The following CRISP1 variants were observed in gnomAD, a reference collection of about 807,000 sequenced individuals.
The protein encoded by CRISP1 is cysteine rich secretory protein 1, also known as cysteine-rich secretory protein 1.
In CRISP1, 44 loss-of-function variants were observed where a neutral mutation model predicts 33.1. The observed-to-expected ratio is 1.33, with a 90% CI of 1.05 to 1.71. The LOEUF (loss-of-function observed/expected upper bound fraction) is 1.71, where lower values mean the gene tolerates loss of function less well. CRISP1 is among the 40% of genes most tolerant of loss of function. The probability of loss-of-function intolerance (pLI) is 0.00; values close to 1 mark genes in which losing one functional copy is unlikely to be tolerated. For missense variants in CRISP1, 390 were observed against 301.2 expected, an observed-to-expected ratio of 1.29 and a Z score of -2.18; for synonymous variants, 103 against 98.7, an observed-to-expected ratio of 1.04 and a Z score of -0.26.
chr6:49,849,598 A>G (rs1771287840), intron 3 of CRISP1, among the ~76,000 whole-genome samples: 1 of 152,148 alleles, frequency 6.6e-6, no homozygotes, highest in African/African-American at 2.4e-5. Context: ...ATACCCTTAT[A>G]TGTGCATATA....
At chr6:49,861,712 C>T (rs1168466881) in intron 1 of CRISP1, among the ~76,000 whole-genome samples, 5 of 151,940 alleles carry the variant, frequency 3.3e-5, no homozygotes, top group Admixed American at 6.6e-5. Flanking sequence ...GGTGAAACCT[C>T]GTCTCTACTA....
intron 1 of CRISP1, among the ~76,000 whole-genome samples, chr6:49,872,527 G>A (rs1771948568): frequency 1.3e-5 from 2 of 152,194 alleles, no homozygotes; most frequent in Admixed American, 1.3e-4. Flanking sequence ...GGTTTTTATG[G>A]TTTTAGGTCT....
At chr6:49,857,232 G>A in intron 2 of CRISP1, 103 bp downstream of exon 2, 1 of 1,023,568 alleles carries the variant, frequency 9.8e-7, no homozygotes, top group Non-Finnish European at 1.5e-6. Context: ...AGTAATGGGT[G>A]TAGTGGCCTC....
chr6:49,850,141 A>C (rs553686531), intron 3 of CRISP1, among the ~76,000 whole-genome samples: 1 of 151,366 alleles, frequency 6.6e-6, no homozygotes, highest in South Asian at 2.1e-4. Flanking sequence ...AGATATACCT[A>C]ATGCTAAATG....
Position 49,838,417 on chromosome 6 carries a change from CAG to C in CRISP1, c.622+18_622+19del, listed in dbSNP as rs1252666613. 1.5e-5 allele frequency: 23 copies of C among 1,583,342 alleles called. No individual in the cohort carries two copies. The highest frequency in any genetic ancestry group is 1.9e-5 in the Non-Finnish European group (22 of 1,156,772). On this transcript the variant is annotated intron_variant, in intron 7 of 7. Coordinates refer to ENST00000335847, the MANE Select transcript of CRISP1 (RefSeq NM_001131.3). ...GATCAATGGGTTAACTGTAAACAAA[CAG>C]AATGCAAACAAACTTACTGCAAAGT...
intron 1 of CRISP1, among the ~76,000 whole-genome samples, chr6:49,876,612 C>T (rs1188892151): frequency 6.6e-6 from 1 of 151,804 alleles, no homozygotes; most frequent in Non-Finnish European, 1.5e-5. Context: ...CTATTCTTAA[C>T]AGCAAAGACG....
intron 1 of CRISP1, among the ~76,000 whole-genome samples, chr6:49,872,119 G>A (rs1771937516): frequency 6.6e-6 from 1 of 152,196 alleles, no homozygotes; most frequent in South Asian, 2.1e-4. Context: ...ATATCTCATT[G>A]TGGTTTTGAT....
At chr6:49,860,961 T>G (rs147057412) in intron 1 of CRISP1, among the ~76,000 whole-genome samples, 79 of 152,158 alleles carry the variant, frequency 5.2e-4, no homozygotes, top group African/African-American at 1.7e-3. Context: ...AAGACAATCA[T>G]GGATAACTAT....
At chr6:49,868,758 C>T (rs1771857611), upstream of CRISP1, among the ~76,000 whole-genome samples, 1 of 152,068 alleles carries the variant, frequency 6.6e-6, no homozygotes, top group Non-Finnish European at 1.5e-5. Flanking sequence ...TCATACCACT[C>T]AGTAAAATTG....
At chr6:49,841,423 T>A (rs1353569726) in intron 5 of CRISP1, among the ~76,000 whole-genome samples, 1 of 152,172 alleles carries the variant, frequency 6.6e-6, no homozygotes, top group Non-Finnish European at 1.5e-5. Flanking sequence ...AACAGGCTGA[T>A]GTTCAAAGAG....
Position 49,841,000 on chromosome 6 carries a change from A to G in CRISP1, c.436-5T>C. 1.2e-6 allele frequency: 2 copies of G among 1,609,864 alleles called. No individual in the cohort carries two copies. The highest frequency in any genetic ancestry group is 1.7e-6 in the Non-Finnish European group (2 of 1,176,412). ...GTAAGATGTGGCCCAAACAATCTGC[A>G]ATGATAAAGAGTTGTTTTATTACAG... On this transcript the variant is annotated splice_region_variant and splice_polypyrimidine_tract_variant and intron_variant, in intron 5 of 7. Transcript: ENST00000335847.
At chr6:49,846,307 T>A (rs936854672) in intron 5 of CRISP1, among the ~76,000 whole-genome samples, 1 of 152,158 alleles carries the variant, frequency 6.6e-6, no homozygotes, top group African/African-American at 2.4e-5. Flanking sequence ...AAAAATCTAG[T>A]GAGTAAAGAA....
In CRISP1 at chr6:49,835,265, G is replaced by C; in HGVS notation, c.*51C>G. Reference sequence around the variant, plus strand: ...TATAGCAAAAGACATGAATCCAACAGACATCTCCTCCTCATCGTCACAGCA... The same window carrying C: ...TATAGCAAAAGACATGAATCCAACACACATCTCCTCCTCATCGTCACAGCA... On this transcript the variant is annotated 3_prime_UTR_variant, in exon 8 of 8. Transcript: ENST00000335847. 6.3e-7 allele frequency: 1 copy of C among 1,584,806 alleles called. No individual in the cohort carries two copies. The highest frequency in any genetic ancestry group is 8.6e-7 in the Non-Finnish European group (1 of 1,163,380).
chr6:49,841,028 T>C (rs1770971060), intron 5 of CRISP1, 33 bp from the exon 6 acceptor site: 5 of 1,521,236 alleles, frequency 3.3e-6, no homozygotes, highest in Non-Finnish European at 3.6e-6. Flanking sequence ...TATTACAGAT[T>C]AAATATTTTA....
At chr6:49,851,900 A>T in intron 3 of CRISP1, 101 bp downstream of exon 3, 1 of 1,363,666 alleles carries the variant, frequency 7.3e-7, no homozygotes, top group Non-Finnish European at 9.9e-7. Flanking sequence ...TGTTGTGAAG[A>T]TAAAACTTTT....
At chr6:49,841,824 G>C (rs1305428705) in intron 5 of CRISP1, among the ~76,000 whole-genome samples, 2 of 152,082 alleles carry the variant, frequency 1.3e-5, no homozygotes, top group Non-Finnish European at 2.9e-5. Flanking sequence ...TTATGCCTCT[G>C]AGTTTCATTT....
chr6:49,840,309 T>C (rs1417188121), intron 6 of CRISP1, among the ~76,000 whole-genome samples: 3 of 152,176 alleles, frequency 2.0e-5, no homozygotes, highest in Non-Finnish European at 4.4e-5. Flanking sequence ...ACTGAAACAA[T>C]CAGATTAAAT....
At chr6:49,856,092 G>C (rs191141973) in intron 2 of CRISP1, among the ~76,000 whole-genome samples, 2 of 151,968 alleles carry the variant, frequency 1.3e-5, no homozygotes, top group Non-Finnish European at 2.9e-5. Flanking sequence ...TGTATTCTTG[G>C]TCAAAAGCGG....
intron 7 of CRISP1, among the ~76,000 whole-genome samples, chr6:49,838,148 T>C (rs1770864526): frequency 6.6e-6 from 1 of 152,064 alleles, no homozygotes; most frequent in Non-Finnish European, 1.5e-5. Flanking sequence ...CAGAGAAAAA[T>C]CTACACTTAC....
Sources: allele counts gnomAD v4.1 joint callset (sites outside exome capture counted in the v4.1 genomes callset), GRCh38; gene constraint gnomAD v4.1.1; transcripts MANE v1.5; gene names NCBI Gene and HGNC (gene_info 2026-07-23, HGNC 2026-07-21).